CAMK1D: variants seen among roughly 807,000 people sequenced by gnomAD.
The protein encoded by CAMK1D is calcium/calmodulin dependent protein kinase ID, also known as calcium/calmodulin-dependent protein kinase type 1D.
A neutral mutation model predicts 47.7 loss-of-function variants in CAMK1D; 9 were observed. That is an observed-to-expected ratio of 0.19 (90% CI 0.11 to 0.33). The LOEUF is 0.33. Among genes scored for constraint, CAMK1D ranks in the 10% least tolerant of loss-of-function variants. The pLI is 1.00. For missense variants in CAMK1D, 291 were observed against 488.7 expected, an observed-to-expected ratio of 0.60 and a Z score of 3.81; for synonymous variants, 184 against 184.9, an observed-to-expected ratio of 0.99 and a Z score of 0.04.
At chr10:12,603,046 G>T (rs1008566380) in intron 2 of CAMK1D, among the ~76,000 whole-genome samples, 1 of 151,838 alleles carries the variant, frequency 6.6e-6, no homozygotes, top group African/African-American at 2.4e-5. Flanking sequence ...GAATAGCTGG[G>T]ATTACAGGCA....
chr10:12,475,796 A>G (rs7896818), intron 1 of CAMK1D, among the ~76,000 whole-genome samples: 4,658 of 152,198 alleles, frequency 0.031, 228 homozygotes, highest in African/African-American at 0.11. Flanking sequence ...ACTGTGTTCT[A>G]GAACTGGTTC....
rs570933751 is a variant in CAMK1D, at chr10:12,772,945, T to C, written c.565+3146T>C. On this transcript the variant is annotated intron_variant, in intron 5 of 10. Transcript: ENST00000619168. ...AGGCAGTTAGCAGCTGAGCTTGGGC[T>C]GTTTCCTCCCTTGCAGTCTGCATGG... is the stretch of plus-strand genomic sequence containing the variant. Among the ~76,000 whole-genome samples, 11 of 151,644 alleles carry C rather than the reference T, an allele frequency of 7.3e-5. No individual in the cohort carries two copies. In the South Asian group the frequency reaches 2.3e-3, roughly 32 times the overall value.
chr10:12,596,157 A>T (rs1838141859), intron 2 of CAMK1D, among the ~76,000 whole-genome samples: 1 of 152,078 alleles, frequency 6.6e-6, no homozygotes, highest in Non-Finnish European at 1.5e-5. Context: ...CATTTGGAGG[A>T]GGGGTTGAGT....
At chr10:12,691,396 TATATATAAATATATA>T (rs1832905691) in intron 3 of CAMK1D, among the ~76,000 whole-genome samples, 2 of 7,292 alleles carry the variant, frequency 2.7e-4, no homozygotes, top group South Asian at 4.8e-3. Flanking sequence ...TATATATATA[TATATATAAATATATA>T]TATATATATA....
intron 1 of CAMK1D, among the ~76,000 whole-genome samples, chr10:12,498,358 G>T (rs1834603333): frequency 6.6e-6 from 1 of 152,232 alleles, no homozygotes; most frequent in African/African-American, 2.4e-5. Context: ...TTCTGTGACT[G>T]AGATCTTAGA....
chr10:12,414,362 A>G (rs1215436456), intron 1 of CAMK1D, among the ~76,000 whole-genome samples: 5 of 152,190 alleles, frequency 3.3e-5, no homozygotes. Flanking sequence ...TACAGTAGCT[A>G]TATTAGTTGT....
At chr10:12,461,336 G>T (rs2724795) in intron 1 of CAMK1D, among the ~76,000 whole-genome samples, 2,551 of 152,340 alleles carry the variant, frequency 0.017, 78 homozygotes, top group African/African-American at 0.058. Context: ...ACGAAGGGCA[G>T]TTGGGTAGGA....
intron 6 of CAMK1D, among the ~76,000 whole-genome samples, chr10:12,807,440 A>G (rs1838782544): frequency 6.6e-6 from 1 of 152,044 alleles, no homozygotes; most frequent in African/African-American, 2.4e-5. Flanking sequence ...TTTAGTGTTC[A>G]GTTGAAACCT....
At chr10:12,671,826 G>T (rs1283842993) in intron 3 of CAMK1D, among the ~76,000 whole-genome samples, 2 of 148,142 alleles carry the variant, frequency 1.4e-5, no homozygotes, top group African/African-American at 2.5e-5. Flanking sequence ...CAGCACAAAA[G>T]TTTTTTAACT....
chr10:12,768,444 C>T (rs1261368708), intron 4 of CAMK1D, among the ~76,000 whole-genome samples: 1 of 152,186 alleles, frequency 6.6e-6, no homozygotes, highest in African/African-American at 2.4e-5. Flanking sequence ...ATGTGGCTGT[C>T]CCCGCTGGGG....
chr10:12,409,520 G>A lies in CAMK1D; in HGVS notation c.92+59610G>A, dbSNP rs1839580550. ...GCTGCTCTTGAACTCCTGGGCTCAA[G>A]CCATTCTTCCGCCTTGGCGTCTGGA... is the stretch of plus-strand genomic sequence containing the variant. On this transcript the variant is annotated intron_variant, in intron 1 of 10. Coordinates refer to ENST00000619168, the MANE Select transcript of CAMK1D (RefSeq NM_153498.4). Among the ~76,000 whole-genome samples, 3 of 152,232 alleles carry A rather than the reference G, an allele frequency of 2.0e-5. No individual in the cohort carries two copies. In the South Asian group the frequency reaches 6.2e-4, roughly 31 times the overall value.
chr10:12,620,851 G>A (rs1838976658), intron 2 of CAMK1D, among the ~76,000 whole-genome samples: 2 of 152,150 alleles, frequency 1.3e-5, no homozygotes, highest in East Asian at 1.9e-4. Flanking sequence ...TCTTGCCTTA[G>A]ATCCTAAAGG....
At chr10:12,788,605 C>T (rs1837839014) in intron 5 of CAMK1D, among the ~76,000 whole-genome samples, 2 of 152,238 alleles carry the variant, frequency 1.3e-5, no homozygotes, top group Non-Finnish European at 2.9e-5. Flanking sequence ...CGTTGCTTCT[C>T]ACGCCTCTGT....
intron 5 of CAMK1D, among the ~76,000 whole-genome samples, chr10:12,781,365 C>T (rs757190168): frequency 2.3e-4 from 35 of 152,374 alleles, no homozygotes; most frequent in Middle Eastern, 6.8e-3. Context: ...CGTTTGTGGC[C>T]ACATTGCTCT....
chr10:12,810,639 C>T (rs758867991), intron 6 of CAMK1D, among the ~76,000 whole-genome samples: 76 of 152,278 alleles, frequency 5.0e-4, no homozygotes, highest in Non-Finnish European at 1.0e-3. Flanking sequence ...AGGGTCCCAT[C>T]AGAGGGTTCC....
intron 6 of CAMK1D, among the ~76,000 whole-genome samples, chr10:12,806,873 G>C (rs936156422): frequency 6.6e-6 from 1 of 152,178 alleles, no homozygotes; most frequent in Non-Finnish European, 1.5e-5. Flanking sequence ...TGCCAAGACC[G>C]TGGGGACTTT....
At chr10:12,629,061 T>C (rs1839305127) in intron 2 of CAMK1D, among the ~76,000 whole-genome samples, 1 of 152,256 alleles carries the variant, frequency 6.6e-6, no homozygotes, top group Non-Finnish European at 1.5e-5. Flanking sequence ...ATAAAGCTGC[T>C]GTAAATGTCT....
chr10:12,723,364 C>T (rs1834480896), intron 3 of CAMK1D, among the ~76,000 whole-genome samples: 1 of 152,128 alleles, frequency 6.6e-6, no homozygotes, highest in Non-Finnish European at 1.5e-5. Flanking sequence ...CTTCCCTGAC[C>T]TCACACAGAT....
At chr10:12,427,558 A>G (rs1305342061) in intron 1 of CAMK1D, among the ~76,000 whole-genome samples, 1 of 152,102 alleles carries the variant, frequency 6.6e-6, no homozygotes, top group Non-Finnish European at 1.5e-5. Flanking sequence ...GGGAGGGCAG[A>G]GAATAACCAG....
Sources: allele counts gnomAD v4.1 joint callset (sites outside exome capture counted in the v4.1 genomes callset), GRCh38; gene constraint gnomAD v4.1.1; transcripts MANE v1.5; gene names NCBI Gene and HGNC (gene_info 2026-07-23, HGNC 2026-07-21).